Variants in GRM7 observed in about 807,000 individuals in gnomAD.
GRM7 encodes metabotropic glutamate receptor 7.
In GRM7, 35 loss-of-function variants were observed where a neutral mutation model predicts 84.5. The ratio of observed to expected loss-of-function variants is 0.41; its 90% CI spans 0.32 to 0.55. The LOEUF (loss-of-function observed/expected upper bound fraction) is 0.55. GRM7 is among the 20% of genes least tolerant of loss of function. The pLI, the probability that GRM7 is intolerant of heterozygous loss-of-function variation, is 0.19. For synonymous variants in GRM7, 487 were observed against 455.1 expected, an observed-to-expected ratio of 1.07 and a Z score of -0.89; for missense variants, 1,003 against 1,194.6, an observed-to-expected ratio of 0.84 and a Z score of 2.36.
intron 7 of GRM7, among the ~76,000 whole-genome samples, chr3:7,526,183 C>A (rs549021696): frequency 5.3e-5 from 8 of 152,274 alleles, no homozygotes; most frequent in Admixed American, 1.3e-4. Flanking sequence ...TCCCTTTTCT[C>A]TGCAATCTTG....
At chr3:7,024,399 G>C (rs963083847) in intron 1 of GRM7, among the ~76,000 whole-genome samples, 3 of 152,222 alleles carry the variant, frequency 2.0e-5, no homozygotes, top group African/African-American at 7.2e-5. Context: ...GAAGCAAATG[G>C]ATGACGTGCA....
At chr3:7,433,358 G>A (rs1026364347) in intron 5 of GRM7, among the ~76,000 whole-genome samples, 2 of 152,198 alleles carry the variant, frequency 1.3e-5, no homozygotes, top group Admixed American at 6.5e-5. Context: ...TTCTGATGGA[G>A]AAACAGCACT....
At position 7,147,281 on chromosome 3, in the gene GRM7, T is replaced by G. The variant is rs184022136; in HGVS notation, c.736+613T>G. Among the ~76,000 whole-genome samples, 430 of 152,346 alleles carry G rather than the reference T, an allele frequency of 2.8e-3. 4 individuals are homozygous for G. The highest frequency in any genetic ancestry group is 9.7e-3 in the African/African-American group (402 of 41,582). On this transcript the variant is annotated intron_variant, in intron 2 of 9. Coordinates refer to ENST00000357716, the MANE Select transcript of GRM7 (RefSeq NM_000844.4). The stretch of plus-strand genomic sequence containing the variant: ...ATTGGAAGTAATGGGTTCAAATGTT[T>G]GGCCAGCTGTCTTCCAGTGGGCAGA...
intron 4 of GRM7, among the ~76,000 whole-genome samples, chr3:7,380,344 C>A (rs555437633): frequency 1.8e-5 from 2 of 113,620 alleles, no homozygotes; most frequent in East Asian, 2.6e-4. Context: ...TTATCCTCTG[C>A]GCATCATATT....
At chr3:7,189,363 GTAT>G (rs1695631161) in intron 2 of GRM7, among the ~76,000 whole-genome samples, 1 of 152,120 alleles carries the variant, frequency 6.6e-6, no homozygotes, top group East Asian at 1.9e-4. Flanking sequence ...ACTGAACAAA[GTAT>G]TATCCTTTCC....
chr3:7,650,207 A>AG (rs1487875999), intron 8 of GRM7, among the ~76,000 whole-genome samples: 62 of 140,656 alleles, frequency 4.4e-4, no homozygotes, highest in Non-Finnish European at 4.0e-4. Flanking sequence ...CTTGCTTGCT[A>AG]TAAGCCCATG....
chr3:7,329,729 G>A (rs986383931), intron 4 of GRM7, among the ~76,000 whole-genome samples: 4 of 152,106 alleles, frequency 2.6e-5, no homozygotes, highest in Non-Finnish European at 5.9e-5. Context: ...CATTGTGTGT[G>A]TATACGTGTG....
intron 7 of GRM7, among the ~76,000 whole-genome samples, chr3:7,482,487 C>G (rs1403404005): frequency 6.6e-6 from 1 of 152,118 alleles, no homozygotes; most frequent in Non-Finnish European, 1.5e-5. Context: ...CATGGCAAGT[C>G]AATGTGAGGT....
chr3:7,180,173 A>G (rs1286641887), intron 2 of GRM7, among the ~76,000 whole-genome samples: 2 of 152,250 alleles, frequency 1.3e-5, no homozygotes, highest in African/African-American at 4.8e-5. Flanking sequence ...TAGTTGGTAC[A>G]ACTTGCTAAG....
At chr3:7,136,599 C>T (rs754461626) in intron 1 of GRM7, among the ~76,000 whole-genome samples, 6 of 151,984 alleles carry the variant, frequency 3.9e-5, no homozygotes, top group Non-Finnish European at 8.8e-5. Context: ...TAAAGCAGCC[C>T]ATCAGAGACC....
At chr3:7,060,300 GCTTT>G (rs1697390757) in intron 1 of GRM7, among the ~76,000 whole-genome samples, 1 of 151,820 alleles carries the variant, frequency 6.6e-6, no homozygotes, top group South Asian at 2.1e-4. Context: ...ATTGGAAACG[GCTTT>G]CTAACAGGAT....
intron 2 of GRM7, among the ~76,000 whole-genome samples, chr3:7,297,373 C>A (rs1699849830): frequency 6.6e-6 from 1 of 152,092 alleles, no homozygotes; most frequent in South Asian, 2.1e-4. Context: ...TATTTCTATG[C>A]TTTAAAAATG....
intron 4 of GRM7, among the ~76,000 whole-genome samples, chr3:7,368,544 A>G (rs1360757721): frequency 1.3e-5 from 2 of 152,090 alleles, no homozygotes. Flanking sequence ...TTTAGCATTC[A>G]CTGTTGAAAA....
intron 1 of GRM7, among the ~76,000 whole-genome samples, chr3:7,126,948 A>T (rs12486353): frequency 0.24 from 36,621 of 152,200 alleles, 4,575 homozygotes; most frequent in Non-Finnish European, 0.26. Context: ...AATCTATTTT[A>T]AAAAGTTGAG....
At chr3:6,948,801 A>G (rs1185153314) in intron 1 of GRM7, among the ~76,000 whole-genome samples, 1 of 152,118 alleles carries the variant, frequency 6.6e-6, no homozygotes, top group Non-Finnish European at 1.5e-5. Flanking sequence ...TCCCTTTACC[A>G]TTATGTAATG....
At chr3:7,167,925 C>A (rs1453859286) in intron 2 of GRM7, among the ~76,000 whole-genome samples, 1 of 130,428 alleles carries the variant, frequency 7.7e-6, no homozygotes, top group Non-Finnish European at 1.6e-5. Flanking sequence ...GCCAAGATCA[C>A]GCCACTGCAC....
At chr3:7,727,991 C>T (rs115231060) in intron 9 of GRM7, among the ~76,000 whole-genome samples, 149 of 152,330 alleles carry the variant, frequency 9.8e-4, no homozygotes, top group African/African-American at 3.5e-3. Context: ...AGTTTCCCTT[C>T]ATCTCTTCTC....
chr3:7,167,090 T>G (rs1293853883), intron 2 of GRM7, among the ~76,000 whole-genome samples: 5 of 152,240 alleles, frequency 3.3e-5, no homozygotes, highest in Non-Finnish European at 7.4e-5. Context: ...ATATTCACTG[T>G]TCTATTGGTA....
chr3:7,035,624 G>A (rs1696359766), intron 1 of GRM7, among the ~76,000 whole-genome samples: 1 of 152,174 alleles, frequency 6.6e-6, no homozygotes, highest in Non-Finnish European at 1.5e-5. Flanking sequence ...ATAGACAAGT[G>A]AAAATGGGAA....
Sources: gnomAD v4.1 joint callset for allele counts (sites outside exome capture counted in the v4.1 genomes callset) on GRCh38, gnomAD v4.1.1 for gene constraint, MANE v1.5 for transcripts, NCBI Gene and HGNC (gene_info 2026-07-23, HGNC 2026-07-21) for gene names.